The following TIAM1 variants were observed in gnomAD, a reference collection of about 807,000 sequenced individuals.
TIAM1 encodes rho guanine nucleotide exchange factor TIAM1.
TIAM1 carries 65 observed loss-of-function variants against 163.5 expected under a neutral mutation model. The ratio of observed to expected loss-of-function variants is 0.40; its 90% CI spans 0.33 to 0.49. The LOEUF (loss-of-function observed/expected upper bound fraction) is 0.49, where lower values mean the gene tolerates loss of function less well. Ranked by LOEUF, TIAM1 falls within the 20% of genes least tolerant of loss-of-function variation. The pLI is 0.77. For synonymous variants in TIAM1, 833 were observed against 810.1 expected, an observed-to-expected ratio of 1.03 and a Z score of -0.48; for missense variants, 1,789 against 2,044.7, an observed-to-expected ratio of 0.87 and a Z score of 2.41.
At chr21:31,540,213 T>C (rs938590697) in intron 1 of TIAM1, among the ~76,000 whole-genome samples, 4 of 151,240 alleles carry the variant, frequency 2.6e-5, no homozygotes, top group Non-Finnish European at 5.9e-5. Context: ...TGGTGAAACC[T>C]CATCTTTACT....
At chr21:31,538,095 G>T (rs2123259240) in intron 1 of TIAM1, among the ~76,000 whole-genome samples, 1 of 152,312 alleles carries the variant, frequency 6.6e-6, no homozygotes, top group South Asian at 2.1e-4. Flanking sequence ...GGCGCAACAG[G>T]AAAGTTTCTG....
At chr21:31,317,728 C>T (rs2075176244) in intron 2 of TIAM1, among the ~76,000 whole-genome samples, 1 of 151,984 alleles carries the variant, frequency 6.6e-6, no homozygotes, top group Non-Finnish European at 1.5e-5. Flanking sequence ...TGTAGTGAGC[C>T]GACATCACAC....
intron 1 of TIAM1, among the ~76,000 whole-genome samples, chr21:31,341,090 G>A (rs144974976): frequency 3.3e-5 from 5 of 152,290 alleles, no homozygotes; most frequent in African/African-American, 9.6e-5. Flanking sequence ...GGTAGGACAA[G>A]AAAGGGTAGG....
At chr21:31,471,469 TTC>T (rs2045739257) in intron 1 of TIAM1, among the ~76,000 whole-genome samples, 2 of 152,192 alleles carry the variant, frequency 1.3e-5, no homozygotes, top group African/African-American at 4.8e-5. Context: ...ATCAGAGCTC[TTC>T]TCTGTTTTCT....
intron 9 of TIAM1, among the ~76,000 whole-genome samples, chr21:31,215,690 CCA>C (rs1314489680): frequency 2.0e-5 from 3 of 151,848 alleles, no homozygotes; most frequent in Non-Finnish European, 4.4e-5. Flanking sequence ...TGACTTTCCT[CCA>C]CAGTTTTTTC....
At chr21:31,351,482 G>A (rs2076233377) in intron 2 of TIAM1, among the ~76,000 whole-genome samples, 1 of 152,142 alleles carries the variant, frequency 6.6e-6, no homozygotes, top group African/African-American at 2.4e-5. Flanking sequence ...AGCCCATCTA[G>A]AATTAATAAG....
intron 2 of TIAM1, among the ~76,000 whole-genome samples, chr21:31,329,262 T>A (rs976476424): frequency 4.6e-5 from 7 of 152,184 alleles, no homozygotes; most frequent in African/African-American, 1.4e-4. Flanking sequence ...ATTGTCTCCT[T>A]ACTACCTGCA....
At chr21:31,300,101 C>T (rs1480537141) in intron 2 of TIAM1, among the ~76,000 whole-genome samples, 1 of 152,096 alleles carries the variant, frequency 6.6e-6, no homozygotes, top group Non-Finnish European at 1.5e-5. Context: ...TAGTACCAGC[C>T]CCCCTTGGTA....
intron 15 of TIAM1, among the ~76,000 whole-genome samples, chr21:31,171,778 G>C (rs968756836): frequency 3.3e-5 from 5 of 152,186 alleles, no homozygotes; most frequent in African/African-American, 1.2e-4. Context: ...GGCCTCAAGT[G>C]ACTTTGCAGT....
chr21:31,372,126 C>T (rs2076606622), intron 2 of TIAM1, among the ~76,000 whole-genome samples: 1 of 152,214 alleles, frequency 6.6e-6, no homozygotes, highest in South Asian at 2.1e-4. Flanking sequence ...TCTAGTTCCA[C>T]CTCATGGGCT....
intron 2 of TIAM1, among the ~76,000 whole-genome samples, chr21:31,372,981 G>A (rs1406594957): frequency 1.3e-5 from 2 of 151,036 alleles, no homozygotes; most frequent in African/African-American, 4.9e-5. Context: ...CTTGAACCCG[G>A]GAGGCAGAGG....
At position 31,187,090 on chromosome 21, in the gene TIAM1, G is replaced by A. The variant is rs974647991; in HGVS notation, c.2576-3C>T. The A allele has an allele frequency of 6.2e-6, 10 of 1,613,858 alleles. No individual in the cohort carries two copies. The highest frequency in any genetic ancestry group is 8.5e-6 in the Non-Finnish European group (10 of 1,179,832). On this transcript the variant is annotated splice_polypyrimidine_tract_variant and splice_region_variant and intron_variant, in intron 13 of 27. Transcript: ENST00000541036. Reference sequence around the variant, plus strand: ...TTCCACAGAAGAAAGTGAAAACCCTGTGAAACACAAAAAGACAGAATGGCA... The same window carrying A: ...TTCCACAGAAGAAAGTGAAAACCCTATGAAACACAAAAAGACAGAATGGCA...
At chr21:31,468,492 A>G (rs1490746015) in intron 1 of TIAM1, among the ~76,000 whole-genome samples, 1 of 150,678 alleles carries the variant, frequency 6.6e-6, no homozygotes, top group African/African-American at 2.4e-5. Context: ...CAAAAAAAAA[A>G]AAGACCGGGC....
chr21:31,522,743 A>G (rs938854096), intron 1 of TIAM1, among the ~76,000 whole-genome samples: 3 of 152,186 alleles, frequency 2.0e-5, no homozygotes, highest in Non-Finnish European at 4.4e-5. Context: ...AGTCCTTTAT[A>G]AAGTTCTATC....
At chr21:31,196,375 G>A (rs9974095) in intron 12 of TIAM1, among the ~76,000 whole-genome samples, 26,183 of 150,018 alleles carry the variant, frequency 0.17, 3,342 homozygotes, top group East Asian at 0.39. Context: ...GCAGTGGCGC[G>A]ATCTCGGCTC....
chr21:31,528,603 G>T (rs914454518), intron 1 of TIAM1, among the ~76,000 whole-genome samples: 1 of 151,980 alleles, frequency 6.6e-6, no homozygotes, highest in African/African-American at 2.4e-5. Flanking sequence ...AGGAGTTTGA[G>T]ACCAGCCTGG....
rs901944885 is a variant in TIAM1, at chr21:31,489,283, T to C, written c.-421-25248A>G. Among the ~76,000 whole-genome samples, 17 of 145,988 alleles carry C rather than the reference T, an allele frequency of 1.2e-4. 1 individual carries two copies. Among genetic ancestry groups the C allele is most frequent in the Non-Finnish European group, 2.1e-4 (14 of 67,074 alleles). ...TACTTGGGAGGCTGACGGAGGAGGATGGCTTGAACCCAGGAGTTCAAGGCT... is the reference window on the plus strand; with the variant it reads ...TACTTGGGAGGCTGACGGAGGAGGACGGCTTGAACCCAGGAGTTCAAGGCT... On this transcript the variant is annotated intron_variant, in intron 1 of 28. Coordinates refer to the TIAM1 transcript ENST00000286827.
chr21:31,412,091 T>C, intron 2 of TIAM1, among the ~76,000 whole-genome samples: 1 of 152,192 alleles, frequency 6.6e-6, no homozygotes. Context: ...CACAATGGAA[T>C]AGTATTCAGT....
At chr21:31,352,482 C>T (rs2076250668) in intron 2 of TIAM1, among the ~76,000 whole-genome samples, 1 of 147,908 alleles carries the variant, frequency 6.8e-6, no homozygotes, top group Non-Finnish European at 1.5e-5. Flanking sequence ...TATCTTACCA[C>T]AACTTTTAAA....
Sources: allele counts gnomAD v4.1 joint callset (sites outside exome capture counted in the v4.1 genomes callset), GRCh38; gene constraint gnomAD v4.1.1; transcripts MANE v1.5; gene names NCBI Gene and HGNC (gene_info 2026-07-23, HGNC 2026-07-21).